SHROOM4: variants seen among roughly 807,000 people sequenced by gnomAD.
SHROOM4 encodes the protein protein Shroom4.
In SHROOM4, 17 loss-of-function variants were observed where a neutral mutation model predicts 80.3. That is an observed-to-expected ratio of 0.21 (90% confidence interval 0.14 to 0.32). The LOEUF is 0.32. SHROOM4 is among the 10% of genes least tolerant of loss of function. The pLI, the probability that SHROOM4 is intolerant of heterozygous loss-of-function variation, is 1.00. For synonymous variants in SHROOM4, 400 were observed against 437.5 expected (o/e 0.91, Z 1.07); for missense variants, 993 against 1,140.3 (o/e 0.87, Z 1.86).
In SHROOM4 at chrX:50,737,863, G is replaced by A. The variant is rs191470101; in HGVS notation, c.118-41926C>T. On this transcript the variant is annotated intron_variant, in intron 1 of 8. Coordinates refer to ENST00000376020, the MANE Select transcript of SHROOM4 (RefSeq NM_020717.5). Reference sequence around the variant, plus strand: ...ATCGTCCTGATACCAAAGCCTTACTGAAACACAACAAAAAAAGAGAATTTT... The same window carrying A: ...ATCGTCCTGATACCAAAGCCTTACTAAAACACAACAAAAAAAGAGAATTTT... Among the ~76,000 whole-genome samples, 22 of 111,069 alleles carry A rather than the reference G, an allele frequency of 2.0e-4. No homozygotes were observed. The East Asian group carries it at 5.7e-3, about 29-fold the overall frequency.
Position 50,607,667 on chromosome X carries a change from G to T in SHROOM4, c.3475C>A (p.Leu1159Met). ...TCTGAACTGAAATACTGGGGTGGCA[G>T]CTCCTCTTCCTCCTCCTCTGCCTCC... ...EEEAEEEEEE[L>M]PPQYFSSETS... The change falls in exon 6 of 9, where the codon CTG (leucine) becomes ATG (methionine). Residue 1159 changes from leucine to methionine, a missense_variant. Coordinates refer to ENST00000376020, the MANE Select transcript of SHROOM4 (RefSeq NM_020717.5). 5 of 1,204,493 alleles carry T rather than the reference G, an allele frequency of 4.2e-6. No homozygotes were observed. The highest frequency in any genetic ancestry group is 5.6e-6 in the Non-Finnish European group (5 of 890,943).
intron 1 of SHROOM4, among the ~76,000 whole-genome samples, chrX:50,802,921 C>T (rs1477065091): frequency 1.8e-5 from 2 of 112,316 alleles, no homozygotes; most frequent in African/African-American, 3.2e-5. Context: ...TGTAGCCATC[C>T]ACACAAGCAA....
chrX:50,801,732 A>G (rs1031921456), intron 1 of SHROOM4, among the ~76,000 whole-genome samples: 10 of 112,054 alleles, frequency 8.9e-5, no homozygotes, highest in African/African-American at 3.2e-4. Context: ...GAGGGAAGTT[A>G]GCAAGCAGGC....
In SHROOM4 at chrX:50,592,854, T is replaced by C. The variant is rs960922592; in HGVS notation, c.*3841A>G. 6 of 112,395 alleles carry C rather than the reference T, an allele frequency of 5.3e-5. No individual in the cohort carries two copies. The highest frequency in any genetic ancestry group is 1.9e-4 in the African/African-American group (6 of 30,827). 9.3% of individuals were successfully genotyped at this position (112,395 alleles called of 1,213,427 possible). On this transcript the variant is annotated 3_prime_UTR_variant, in exon 9 of 9. Coordinates refer to ENST00000376020, the MANE Select transcript of SHROOM4 (RefSeq NM_020717.5). ...TACTGCTTAGGTCTATACCTGAGATTACACCTATTGTTGACTTTTTCTGCA... is the reference window on the plus strand; with the variant it reads ...TACTGCTTAGGTCTATACCTGAGATCACACCTATTGTTGACTTTTTCTGCA...
chrX:50,758,128 TG>T (rs1242353694), intron 1 of SHROOM4, among the ~76,000 whole-genome samples: 3 of 111,968 alleles, frequency 2.7e-5, no homozygotes, highest in Middle Eastern at 4.7e-3. Flanking sequence ...TTTATGTTGA[TG>T]TCATATCCTA....
intron 1 of SHROOM4, among the ~76,000 whole-genome samples, chrX:50,767,925 T>C (rs1220968760): frequency 2.7e-5 from 3 of 112,145 alleles, no homozygotes; most frequent in Non-Finnish European, 5.6e-5. Flanking sequence ...CAAATACATC[T>C]ATTAGAGTCA....
chrX:50,737,901 C>T (rs1455084383), intron 1 of SHROOM4, among the ~76,000 whole-genome samples: 5 of 111,639 alleles, frequency 4.5e-5, no homozygotes, highest in Non-Finnish European at 7.5e-5. Flanking sequence ...ACCAATATCC[C>T]TGATGAACAT....
chrX:50,585,726 A>AC (rs1162787583), downstream of SHROOM4, among the ~76,000 whole-genome samples: 2 of 111,619 alleles, frequency 1.8e-5, no homozygotes. Flanking sequence ...ACAGAGTGAG[A>AC]AGGGCAGAAC....
chrX:50,655,781 C>T (rs969654167), intron 2 of SHROOM4, among the ~76,000 whole-genome samples: 2 of 109,696 alleles, frequency 1.8e-5, no homozygotes, highest in African/African-American at 6.6e-5. Flanking sequence ...GATATATACC[C>T]AGAAGTAGGA....
At chrX:50,660,883 T>C (rs978368922) in intron 2 of SHROOM4, among the ~76,000 whole-genome samples, 3 of 109,979 alleles carry the variant, frequency 2.7e-5, no homozygotes, top group African/African-American at 9.9e-5. Flanking sequence ...ACCCAAAATG[T>C]TGGAATTACA....
At chrX:50,674,269 A>G (rs1298605674) in intron 2 of SHROOM4, among the ~76,000 whole-genome samples, 1 of 111,506 alleles carries the variant, frequency 9.0e-6, no homozygotes, top group African/African-American at 3.2e-5. Context: ...CAACTAGGAT[A>G]AAGCAATTGT....
At chrX:50,646,568 GTGT>G in intron 2 of SHROOM4, among the ~76,000 whole-genome samples, 1 of 105,928 alleles carries the variant, frequency 9.4e-6, no homozygotes, top group African/African-American at 3.5e-5. Flanking sequence ...GTGTGTGTGT[GTGT>G]GTGTGTAATT....
At chrX:50,732,752 G>A (rs1187112677) in intron 1 of SHROOM4, among the ~76,000 whole-genome samples, 1 of 112,275 alleles carries the variant, frequency 8.9e-6, no homozygotes, top group Admixed American at 9.5e-5. Context: ...CTTAACAAGT[G>A]AAGAGACTGA....
chrX:50,796,906 T>C (rs1306726533), intron 1 of SHROOM4, among the ~76,000 whole-genome samples: 2 of 110,143 alleles, frequency 1.8e-5, no homozygotes, highest in African/African-American at 6.6e-5. Context: ...AAGTTCCATT[T>C]TAGACATACT....
At chrX:50,680,117 T>C (rs1340336696) in intron 2 of SHROOM4, among the ~76,000 whole-genome samples, 1 of 111,927 alleles carries the variant, frequency 8.9e-6, no homozygotes, top group Non-Finnish European at 1.9e-5. Flanking sequence ...ACCACTCTCA[T>C]TTGGTTTTTC....
intron 2 of SHROOM4, among the ~76,000 whole-genome samples, chrX:50,646,356 G>A (rs1474098510): frequency 9.0e-6 from 1 of 110,744 alleles, no homozygotes; most frequent in Non-Finnish European, 1.9e-5. Flanking sequence ...CAAGCCGGAG[G>A]ACAGAACAAT....
At chrX:50,761,070 T>C (rs1935146394) in intron 1 of SHROOM4, among the ~76,000 whole-genome samples, 1 of 111,849 alleles carries the variant, frequency 8.9e-6, no homozygotes, top group Non-Finnish European at 1.9e-5. Flanking sequence ...CAGGGATACA[T>C]GTGAAGGTTT....
At chrX:50,725,392 A>T (rs782816163) in intron 1 of SHROOM4, among the ~76,000 whole-genome samples, 1 of 112,181 alleles carries the variant, frequency 8.9e-6, no homozygotes, top group African/African-American at 3.2e-5. Flanking sequence ...CAACTTGCTC[A>T]TAGGGCATAG....
At chrX:50,582,959 T>C (rs1352553193), downstream of SHROOM4, among the ~76,000 whole-genome samples, 1 of 110,641 alleles carries the variant, frequency 9.0e-6, no homozygotes, top group African/African-American at 3.3e-5. Flanking sequence ...TAAGAGTTCT[T>C]ACAATCAGCA....
Sources: gnomAD v4.1 joint callset for allele counts (sites outside exome capture counted in the v4.1 genomes callset) on GRCh38, gnomAD v4.1.1 for gene constraint, MANE v1.5 for transcripts, NCBI Gene and HGNC (gene_info 2026-07-23, HGNC 2026-07-21) for gene names.